Variants in RASA3 observed in about 807,000 individuals in gnomAD.
The protein encoded by RASA3 is ras GTPase-activating protein 3.
Under a neutral mutation model 110.0 loss-of-function variants are expected in RASA3, and 73 were observed. The observed-to-expected ratio is 0.66, with a 90% CI of 0.55 to 0.81. The LOEUF is 0.81. Ranked by LOEUF, RASA3 falls within the 30% of genes least tolerant of loss-of-function variation. The probability of loss-of-function intolerance (pLI) is 0.00; values close to 1 mark genes in which losing one functional copy is unlikely to be tolerated. For synonymous variants in RASA3, 500 were observed against 451.4 expected, an observed-to-expected ratio of 1.11 and a Z score of -1.37; for missense variants, 976 against 1,113.2, an observed-to-expected ratio of 0.88 and a Z score of 1.75.
chr13:114,062,017 T>A (rs1276260277), intron 2 of RASA3, among the ~76,000 whole-genome samples: 2 of 151,746 alleles, frequency 1.3e-5, no homozygotes, highest in African/African-American at 4.8e-5. Flanking sequence ...AAGGCGGGGG[T>A]CGGACTGACG....
intron 1 of RASA3, among the ~76,000 whole-genome samples, chr13:114,120,181 C>T (rs1349746921): frequency 3.2e-3 from 2 of 628 alleles, no homozygotes; most frequent in African/African-American, 0.014. Context: ...GATCAGGGCC[C>T]TCCCTCCTCT....
At chr13:114,097,751 G>C (rs1594450204) in intron 1 of RASA3, among the ~76,000 whole-genome samples, 1 of 152,254 alleles carries the variant, frequency 6.6e-6, no homozygotes, top group East Asian at 1.9e-4. Flanking sequence ...GGGAGCTGAT[G>C]TGCAGGTTTC....
At chr13:114,049,631 A>C (rs1408967430) in intron 3 of RASA3, among the ~76,000 whole-genome samples, 1 of 152,246 alleles carries the variant, frequency 6.6e-6, no homozygotes, top group African/African-American at 2.4e-5. Flanking sequence ...GCTGGTGACG[A>C]GGCCTGACAC....
At chr13:114,088,950 T>C (rs1237252779) in intron 1 of RASA3, among the ~76,000 whole-genome samples, 1 of 152,000 alleles carries the variant, frequency 6.6e-6, no homozygotes, top group Non-Finnish European at 1.5e-5. Flanking sequence ...CCGTAAGAAA[T>C]AAATAGGGAT....
chr13:113,980,099 G>C (rs1319827250), intron 23 of RASA3, among the ~76,000 whole-genome samples: 3 of 120,852 alleles, frequency 2.5e-5, no homozygotes, highest in Non-Finnish European at 5.0e-5. Flanking sequence ...CCACGTGTGT[G>C]CACCCCTCTC....
At chr13:114,028,683 TG>T (rs1381921904) in intron 5 of RASA3, among the ~76,000 whole-genome samples, 1 of 105,058 alleles carries the variant, frequency 9.5e-6, no homozygotes, top group East Asian at 3.3e-4. Context: ...AGTGTCATCC[TG>T]GGGCCAGGAC....
At chr13:114,012,604 A>C in intron 15 of RASA3, among the ~76,000 whole-genome samples, 1 of 113,082 alleles carries the variant, frequency 8.8e-6, no homozygotes, top group African/African-American at 3.6e-5. Flanking sequence ...TCCTCATTCC[A>C]CGCACACTCC....
intron 21 of RASA3, among the ~76,000 whole-genome samples, chr13:113,994,010 C>A (rs1019370896): frequency 6.6e-6 from 1 of 152,050 alleles, no homozygotes; most frequent in Non-Finnish European, 1.5e-5. Context: ...GTGAAATATG[C>A]TCTTTAATTT....
At chr13:114,053,303 T>A (rs2079185339) in intron 2 of RASA3, among the ~76,000 whole-genome samples, 1 of 152,170 alleles carries the variant, frequency 6.6e-6, no homozygotes, top group South Asian at 2.1e-4. Context: ...ACAACCCCAA[T>A]AAAGAAGCAG....
chr13:114,091,845 A>AT (rs939912145), intron 1 of RASA3, among the ~76,000 whole-genome samples: 1 of 151,472 alleles, frequency 6.6e-6, no homozygotes, highest in African/African-American at 2.4e-5. Context: ...TTGCTGGGAG[A>AT]TTTTTTGTTC....
Position 114,114,520 on chromosome 13 carries a change from C to T in RASA3, c.55+17915G>A, listed in dbSNP as rs2080254761. Among the ~76,000 whole-genome samples the T allele has an allele frequency of 6.6e-6, 1 of 152,238 alleles. No individual in the cohort carries two copies. Among genetic ancestry groups the T allele is most frequent in the Admixed American group, 6.5e-5 (1 of 15,288 alleles). ...TCTGACCACAAAAGCTACCCATTCA[C>T]TTGCTAAATGGTGCAAAATGGGCCC... is the stretch of plus-strand genomic sequence containing the variant. On this transcript the variant is annotated intron_variant, in intron 1 of 23. Coordinates refer to ENST00000334062, the MANE Select transcript of RASA3 (RefSeq NM_007368.4). The surrounding 1 kb of genome is among the most constrained non-coding windows in gnomAD (Gnocchi z 4.8).
chr13:114,027,682 G>A (rs1456971171), intron 6 of RASA3, among the ~76,000 whole-genome samples, 165 bp downstream of exon 6: 2 of 152,142 alleles, frequency 1.3e-5, no homozygotes, highest in Non-Finnish European at 2.9e-5. Flanking sequence ...TTTCTACAAA[G>A]CAATTTTGGA....
At chr13:114,019,154 G>T (rs774780220) in intron 9 of RASA3, among the ~76,000 whole-genome samples, 2 of 152,136 alleles carry the variant, frequency 1.3e-5, no homozygotes, top group Non-Finnish European at 2.9e-5. Context: ...GGGGGGAAAC[G>T]CGGAGGGGGA....
intron 2 of RASA3, among the ~76,000 whole-genome samples, chr13:114,060,793 G>C (rs1046142760): frequency 6.6e-6 from 1 of 152,230 alleles, no homozygotes; most frequent in African/African-American, 2.4e-5. Context: ...CCAGTGGCTT[G>C]AAAGGGAGGC....
intron 1 of RASA3, among the ~76,000 whole-genome samples, chr13:114,094,334 G>A (rs1040218907): frequency 2.0e-5 from 3 of 152,220 alleles, no homozygotes; most frequent in Non-Finnish European, 4.4e-5. Context: ...AAACACGAAT[G>A]TTCATAGCAG....
In RASA3 at chr13:114,011,338, C is replaced by G; in HGVS notation, c.1513-90G>C. On this transcript the variant is annotated intron_variant, in intron 15 of 23. Transcript: ENST00000334062. This position sits in a 1 kb window ranked among gnomAD's most constrained non-coding sequence, Gnocchi z 4.8. ...CGAGGGGACGAAATGCAGGAGTCAC[C>G]TCAGAGCTGCTGTGGCTTGTGCATG... The G allele has an allele frequency of 8.9e-7, 1 of 1,125,374 alleles. No homozygotes were observed. The highest frequency in any genetic ancestry group is 1.3e-6 in the Non-Finnish European group (1 of 754,732). The allele number at this position is 1,125,374 out of a possible 1,614,324, so 69.7% of individuals were successfully genotyped here. A position where few individuals can be genotyped will look rare whatever the true frequency, so the allele number is the denominator to read the frequency against.
chr13:113,979,067 C>T lies in RASA3; in HGVS notation c.*280G>A, dbSNP rs2052844014. Reference sequence around the variant, plus strand: ...TGTGGCTAGGGCACAGCCCACACTTCCTGATCCTTCAGCTGATCCCCAGAT... The same window carrying T: ...TGTGGCTAGGGCACAGCCCACACTTTCTGATCCTTCAGCTGATCCCCAGAT... On this transcript the variant is annotated 3_prime_UTR_variant, in exon 24 of 24. Coordinates refer to ENST00000334062, the MANE Select transcript of RASA3 (RefSeq NM_007368.4). 1 of 476,018 alleles carries T rather than the reference C, an allele frequency of 2.1e-6. No homozygotes were observed. The highest frequency in any genetic ancestry group is 2.3e-5 in the South Asian group (1 of 44,420). The allele number at this position is 476,018 out of a possible 1,614,324, so 29.5% of individuals were successfully genotyped here. A position where few individuals can be genotyped will look rare whatever the true frequency, so the allele number is the denominator to read the frequency against.
At position 114,007,594 on chromosome 13, in the gene RASA3, T is replaced by G. The variant is rs919195924; in HGVS notation, c.1681A>C (p.Ile561Leu). Residue 561 changes from isoleucine (I) to leucine (L), a missense_variant, in exon 18 of 24, where the codon ATT becomes CTT. Ile to Leu is a conservative substitution (Grantham distance 5). Around this residue, in one of 4 missense-constraint regions of RASA3, gnomAD observed 732 missense variants for 779.7 expected, o/e 0.94. Coordinates refer to ENST00000334062, the MANE Select transcript of RASA3 (RefSeq NM_007368.4). Reference sequence around the variant, plus strand: ...GGGTCTCTTCTCCCCGAGGACGAAATCAGATCCAAGAACTAAAGTTGGAAG... The same window carrying G: ...GGGTCTCTTCTCCCCGAGGACGAAAGCAGATCCAAGAACTAAAGTTGGAAG... ...ADAVKNFLDL[I>L]SSSGRRDPKS... 1 of 1,612,878 alleles carries G rather than the reference T, an allele frequency of 6.2e-7. No homozygotes were observed. Among genetic ancestry groups the G allele is most frequent in the African/African-American group, 1.3e-5 (1 of 74,994 alleles).
At chr13:114,029,077 C>T (rs1476192434) in intron 5 of RASA3, among the ~76,000 whole-genome samples, 1 of 13,754 alleles carries the variant, frequency 7.3e-5, no homozygotes, top group African/African-American at 1.0e-3. Context: ...ACCTCTAAAA[C>T]GGCATCATCC....
Sources: allele counts gnomAD v4.1 joint callset (sites outside exome capture counted in the v4.1 genomes callset), GRCh38; gene constraint gnomAD v4.1.1; regional missense constraint gnomAD v4.1.1; non-coding constraint Gnocchi (gnomAD v3.1); transcripts MANE v1.5; gene names NCBI Gene and HGNC (gene_info 2026-07-23, HGNC 2026-07-21).